Variants in ACTN1 observed in about 807,000 individuals in gnomAD.
ACTN1 encodes the protein actinin alpha 1, also known as alpha-actinin-1.
ACTN1 carries 30 observed loss-of-function variants against 119.6 expected under a neutral mutation model. The ratio of observed to expected loss-of-function variants is 0.25; its 90% CI spans 0.19 to 0.34. The LOEUF (loss-of-function observed/expected upper bound fraction) is 0.34, where lower values mean the gene tolerates loss of function less well. Among genes scored for constraint, ACTN1 ranks in the 10% least tolerant of loss-of-function variants. The probability of loss-of-function intolerance (pLI) is 1.00; values close to 1 mark genes in which losing one functional copy is unlikely to be tolerated. For missense variants in ACTN1, 764 were observed against 1,223.4 expected (o/e 0.62, Z 5.60); for synonymous variants, 429 against 472.6 (o/e 0.91, Z 1.20).
chr14:68,948,134 T>C (rs1214880234), intron 1 of ACTN1, among the ~76,000 whole-genome samples: 4 of 152,096 alleles, frequency 2.6e-5, no homozygotes, highest in Admixed American at 1.3e-4. Context: ...ACAGAGGTCC[T>C]AGGAAGTTGG....
At chr14:68,905,349 A>G (rs998699404) in intron 6 of ACTN1, among the ~76,000 whole-genome samples, 1 of 152,242 alleles carries the variant, frequency 6.6e-6, no homozygotes, top group Admixed American at 6.5e-5. Flanking sequence ...GATGAATGCA[A>G]CATAAACGTA....
In ACTN1 at chr14:68,933,832, C is replaced by A. The variant is rs974017948; in HGVS notation, c.106-8160G>T. ...ACAGAAAAAATCAAACAAAATTTAG[C>A]CAAGCATGGTGGTACACACCTGTAG... On this transcript the variant is annotated intron_variant, in intron 1 of 21. Coordinates refer to ENST00000394419, the MANE Select transcript of ACTN1 (RefSeq NM_001130004.2). Among the ~76,000 whole-genome samples, 3 of 152,024 alleles carry A rather than the reference C, an allele frequency of 2.0e-5. No individual in the cohort carries two copies. In the South Asian group the frequency reaches 6.2e-4, roughly 32 times the overall value.
intron 1 of ACTN1, among the ~76,000 whole-genome samples, chr14:68,937,136 C>T (rs567577914): frequency 6.6e-6 from 1 of 152,198 alleles, no homozygotes; most frequent in South Asian, 2.1e-4. Flanking sequence ...CTCACCCCCA[C>T]CCTCACTTGC....
At chr14:68,933,173 G>A (rs1030218704) in intron 1 of ACTN1, among the ~76,000 whole-genome samples, 1 of 151,940 alleles carries the variant, frequency 6.6e-6, no homozygotes, top group African/African-American at 2.4e-5. Flanking sequence ...TCGCTCTGTC[G>A]CCCTGGCTGG....
chr14:68,892,359 C>A, intron 9 of ACTN1, 76 bp from the exon 10 acceptor site: 2 of 1,460,946 alleles, frequency 1.4e-6, no homozygotes, highest in Non-Finnish European at 1.9e-6. Context: ...TCCCTTTCCT[C>A]CCAACAGCCC....
intron 1 of ACTN1, among the ~76,000 whole-genome samples, chr14:68,942,183 C>G (rs906703060): frequency 6.6e-6 from 1 of 151,210 alleles, no homozygotes; most frequent in African/African-American, 2.4e-5. Context: ...CCTGCAGGAA[C>G]CTACGCAACA....
In ACTN1 at chr14:68,885,343, C is replaced by T; in HGVS notation, c.1385+82G>A. The T allele has an allele frequency of 6.7e-7, 1 of 1,489,042 alleles. No homozygotes were observed. Among genetic ancestry groups the T allele is most frequent in the Admixed American group, 2.1e-5 (1 of 48,334 alleles). The allele number at this position is 1,489,042 out of a possible 1,614,324, so 92.2% of individuals were successfully genotyped here. On this transcript the variant is annotated intron_variant, in intron 12 of 21. Coordinates refer to ENST00000394419, the MANE Select transcript of ACTN1 (RefSeq NM_001130004.2). This position sits in a 1 kb window ranked among gnomAD's most constrained non-coding sequence, Gnocchi z 5.6. ...TACCCACCCTCCCCATCTTCCACGG[C>T]CACACCCCCACCTCCCCCAGCAGCT...
At chr14:68,977,701 T>G in intron 1 of ACTN1, 1 of 308,968 alleles carries the variant, frequency 3.2e-6, no homozygotes, top group South Asian at 2.6e-5. Flanking sequence ...ACCCCCCTTT[T>G]AAGTTTAAAA....
chr14:68,878,785 G>T lies in ACTN1; in HGVS notation c.2361+204C>A, dbSNP rs550315620. On this transcript the variant is annotated intron_variant, in intron 19 of 21. Transcript: ENST00000394419. This position sits in a 1 kb window ranked among gnomAD's most constrained non-coding sequence, Gnocchi z 4.4. ...GAGCAGCGAGGACGGAAGACAGCGG[G>T]CACCCAGTAGGTTGCCATGAAAGAC... The T allele has an allele frequency of 6.4e-7, 1 of 1,569,666 alleles. No homozygotes were observed. The highest frequency in any genetic ancestry group is 1.1e-5 in the South Asian group (1 of 87,850).
chr14:68,936,473 T>A, intron 1 of ACTN1: 3 of 307,804 alleles, frequency 9.7e-6, no homozygotes, highest in South Asian at 8.2e-5. Context: ...TTTGTTTGAG[T>A]TTTGTACCAA....
intron 1 of ACTN1, among the ~76,000 whole-genome samples, chr14:68,976,854 G>A (rs1400161125): frequency 3.3e-5 from 5 of 152,210 alleles, no homozygotes; most frequent in Non-Finnish European, 5.9e-5. Context: ...TTTGCCTCCA[G>A]GATAACCCAG....
intron 3 of ACTN1, 45 bp from the exon 4 acceptor site, chr14:68,912,287 G>T: frequency 6.5e-7 from 1 of 1,529,952 alleles, no homozygotes; most frequent in South Asian, 1.1e-5. Context: ...CCTCAGCGGG[G>T]ACAGAATTAA....
chr14:68,874,878 T>C lies in ACTN1; in HGVS notation c.2726A>G (p.Tyr909Cys). ...LDYMSFSTALYGESDL is the reference protein window; with the variant it reads ...LDYMSFSTALCGESDL ...GGTGGATTAGAGGTCACTCTCGCCG[T>C]ACAGCGCCGTGGAGAAGGACATGTA... is the stretch of plus-strand genomic sequence containing the variant. The change falls in exon 22 of 22, where the codon TAC (tyrosine) becomes TGC (cysteine). Residue 909 changes from tyrosine (Y) to cysteine (C), a missense_variant. Transcript: ENST00000394419. The C allele has an allele frequency of 6.3e-7, 1 of 1,598,392 alleles. No individual in the cohort carries two copies. Among genetic ancestry groups the C allele is most frequent in the Non-Finnish European group, 8.6e-7 (1 of 1,168,082 alleles).
In ACTN1 at chr14:68,885,121, C is replaced by CA. The variant is rs2031887572; in HGVS notation, c.1386-239dup. 6.6e-6 allele frequency among the ~76,000 whole-genome samples: 1 copy of CA among 152,140 alleles called. No individual in the cohort carries two copies. The highest frequency in any genetic ancestry group is 2.1e-4 in the South Asian group (1 of 4,820). ...CTGGAGGTGACACCAGCCTTCACCT[C>CA]AATGGCCAATGGCAGGGAGCCCTCG... On this transcript the variant is annotated intron_variant, in intron 12 of 21. Transcript: ENST00000394419. The surrounding 1 kb of genome is among the most constrained non-coding windows in gnomAD (Gnocchi z 5.6).
intron 1 of ACTN1, among the ~76,000 whole-genome samples, chr14:68,976,428 T>C (rs1350786637): frequency 6.6e-6 from 1 of 152,184 alleles, no homozygotes; most frequent in Non-Finnish European, 1.5e-5. Context: ...TACCACCTCC[T>C]TAATATCACC....
At chr14:68,960,400 A>T (rs761297301) in intron 1 of ACTN1, among the ~76,000 whole-genome samples, 30 of 152,222 alleles carry the variant, frequency 2.0e-4, no homozygotes, top group Admixed American at 1.3e-4. Context: ...TGGATGTGTT[A>T]ATTAACTTGA....
intron 1 of ACTN1, among the ~76,000 whole-genome samples, chr14:68,933,798 T>G (rs2035349989): frequency 6.6e-6 from 1 of 151,878 alleles, no homozygotes; most frequent in Non-Finnish European, 1.5e-5. Flanking sequence ...CCTGGGCAAC[T>G]TCATCTCTAC....
chr14:68,892,249 A>T lies in ACTN1; in HGVS notation c.890T>A (p.Leu297Gln). The T allele has an allele frequency of 6.2e-7, 1 of 1,613,984 alleles. No homozygotes were observed. Among genetic ancestry groups the T allele is most frequent in the Non-Finnish European group, 8.5e-7 (1 of 1,179,942 alleles). Residue 297 changes from leucine to glutamine, a missense_variant, in exon 10 of 22, where the codon CTG becomes CAG. Physicochemically the swap from Leu to Gln is moderately radical, Grantham distance 113 (BLOSUM62 -2). Around this residue, in one of 4 missense-constraint regions of ACTN1, gnomAD observed 544 missense variants for 912.0 expected, o/e 0.60. Transcript: ENST00000394419. Reference sequence around the variant, plus strand: ...GGTGTTCTCGGGCACCCGGTTCTCCAGCCACGGGATTGTGCGGCGGATCCA... The same window carrying T: ...GGTGTTCTCGGGCACCCGGTTCTCCTGCCACGGGATTGTGCGGCGGATCCA... ...LEWIRRTIPWLENRVPENTMH... is the reference protein window; with the variant it reads ...LEWIRRTIPWQENRVPENTMH...
At chr14:68,891,999 C>T in intron 10 of ACTN1, 54 bp downstream of exon 10, 2 of 1,598,228 alleles carry the variant, frequency 1.3e-6, no homozygotes, top group Non-Finnish European at 1.7e-6. Context: ...CTAGGAGCAG[C>T]TCAGAGGTGG....
Sources: allele counts gnomAD v4.1 joint callset (sites outside exome capture counted in the v4.1 genomes callset), GRCh38; gene constraint gnomAD v4.1.1; regional missense constraint gnomAD v4.1.1; non-coding constraint Gnocchi (gnomAD v3.1); transcripts MANE v1.5; gene names NCBI Gene and HGNC (gene_info 2026-07-23, HGNC 2026-07-21).